Variants in CCDC169 observed in about 807,000 individuals in gnomAD.
The protein encoded by CCDC169 is coiled-coil domain-containing protein 169.
In CCDC169, 30 loss-of-function variants were observed where a neutral mutation model predicts 36.0. The observed-to-expected ratio is 0.83, with a 90% confidence interval of 0.62 to 1.13. CCDC169 has a LOEUF of 1.13. Among genes scored for constraint, CCDC169 ranks in the 50% most tolerant of loss-of-function variants. CCDC169 has a pLI of 0.00. For synonymous variants in CCDC169, 85 were observed against 81.5 expected (o/e 1.04, Z -0.23); for missense variants, 245 against 245.9 (o/e 1.00, Z 0.03).
chr13:36,267,535 A>G (rs1025810642), intron 4 of CCDC169, among the ~76,000 whole-genome samples: 11 of 152,184 alleles, frequency 7.2e-5, no homozygotes, highest in African/African-American at 2.7e-4. Context: ...CAGGGACTAT[A>G]AAACAATAAC....
At chr13:36,285,654 G>C (rs370653548) in intron 2 of CCDC169, among the ~76,000 whole-genome samples, 15 of 100,596 alleles carry the variant, frequency 1.5e-4, no homozygotes, top group East Asian at 1.3e-3. Flanking sequence ...TACATAGATA[G>C]ATAGACCGAC....
intron 4 of CCDC169, among the ~76,000 whole-genome samples, chr13:36,273,903 CTT>C (rs1166879428): frequency 6.6e-6 from 1 of 152,170 alleles, no homozygotes; most frequent in Non-Finnish European, 1.5e-5. Flanking sequence ...TAACACATGA[CTT>C]TGTCTCCCAG....
At chr13:36,288,333 T>C (rs755971579) in intron 2 of CCDC169, among the ~76,000 whole-genome samples, 2 of 152,166 alleles carry the variant, frequency 1.3e-5, no homozygotes, top group Admixed American at 1.3e-4. Context: ...CTTTAAATAA[T>C]GATTAGTTTT....
Position 36,293,003 on chromosome 13 carries a change from AG to A in CCDC169, c.163+2774del, listed in dbSNP as rs926016128. ...GATGGGTAGCTCTGTTGGTAGAAAC[AG>A]GTAGAAGTCCTCTTCTGATTGCTTC... On this transcript the variant is annotated intron_variant, in intron 2 of 7. Transcript: ENST00000239859. 3.9e-5 allele frequency among the ~76,000 whole-genome samples: 6 copies of A among 152,324 alleles called. No homozygotes were observed. The East Asian group carries it at 1.2e-3, about 29-fold the overall frequency.
At chr13:36,257,142 G>A (rs536529107) in intron 4 of CCDC169, among the ~76,000 whole-genome samples, 2 of 152,270 alleles carry the variant, frequency 1.3e-5, no homozygotes, top group East Asian at 3.9e-4. Context: ...ATAGAAAACT[G>A]TGTTCTTGAT....
At chr13:36,262,728 A>G (rs1024873222) in intron 4 of CCDC169, among the ~76,000 whole-genome samples, 3 of 152,146 alleles carry the variant, frequency 2.0e-5, no homozygotes, top group African/African-American at 7.2e-5. Context: ...CTCTGTGCAT[A>G]AAAGGGCCAT....
chr13:36,296,672 C>G (rs1444089041), intron 1 of CCDC169, among the ~76,000 whole-genome samples: 1 of 152,086 alleles, frequency 6.6e-6, no homozygotes, highest in Admixed American at 6.5e-5. Flanking sequence ...GTATTAAATA[C>G]GGAAGAATTC....
intron 2 of CCDC169, among the ~76,000 whole-genome samples, chr13:36,286,205 T>TAA (rs1347282436): frequency 1.3e-5 from 2 of 152,180 alleles, no homozygotes; most frequent in African/African-American, 2.4e-5. Context: ...AAGACTCTTT[T>TAA]GTCTTAGGGA....
At chr13:36,227,167 C>T, downstream of CCDC169, 1 of 1,335,808 alleles carries the variant, frequency 7.5e-7, no homozygotes, top group South Asian at 1.5e-5. Context: ...GATCACAATC[C>T]TGGGGGTGGT....
At chr13:36,270,271 T>C (rs1054070017) in intron 4 of CCDC169, among the ~76,000 whole-genome samples, 4 of 152,076 alleles carry the variant, frequency 2.6e-5, no homozygotes, top group Non-Finnish European at 4.4e-5. Context: ...AAATCACCGA[T>C]GAAACACACA....
chr13:36,283,417 T>C, intron 4 of CCDC169, 52 bp downstream of exon 4: 5 of 1,477,010 alleles, frequency 3.4e-6, no homozygotes, highest in Non-Finnish European at 3.7e-6. Flanking sequence ...CTGGAAAAAA[T>C]AGACATAATT....
At chr13:36,226,294 G>GACTGT (rs1219217711), downstream of CCDC169, 2 of 152,148 alleles carry the variant, frequency 1.3e-5, no homozygotes, top group Non-Finnish European at 2.9e-5. Context: ...TTTTTCCACG[G>GACTGT]ACTGTATTTT....
intron 4 of CCDC169, among the ~76,000 whole-genome samples, chr13:36,264,173 C>CA (rs780697411): frequency 7.9e-5 from 12 of 151,538 alleles, no homozygotes; most frequent in Admixed American, 2.6e-4. Flanking sequence ...AATTCATACC[C>CA]AAAAAAAGTA....
downstream of CCDC169, among the ~76,000 whole-genome samples, chr13:36,229,749 G>C (rs1870218062): frequency 6.6e-6 from 1 of 151,876 alleles, no homozygotes; most frequent in African/African-American, 2.4e-5. Context: ...TGCCATGTTG[G>C]CCAGGCTGGT....
chr13:36,231,153 A>G lies in CCDC169; in HGVS notation c.*40T>C, dbSNP rs1343510462. 3 of 442,048 alleles carry G rather than the reference A, an allele frequency of 6.8e-6. No homozygotes were observed. The highest frequency in any genetic ancestry group is 1.0e-5 in the Non-Finnish European group (3 of 299,754). The allele number at this position is 442,048 out of a possible 1,614,324, so 27.4% of individuals were successfully genotyped here. ...TTTATAACTTGAATATTATAAATGG[A>G]AAAAAAAAGGAAGAAATAGAAATCC... On this transcript the variant is annotated 3_prime_UTR_variant, in exon 8 of 8. Coordinates refer to ENST00000239859, the MANE Select transcript of CCDC169 (RefSeq NM_001144981.3).
intron 2 of CCDC169, among the ~76,000 whole-genome samples, chr13:36,294,791 C>T (rs1427317973): frequency 1.3e-5 from 2 of 152,024 alleles, no homozygotes; most frequent in African/African-American, 2.4e-5. Context: ...CTGGGGGCTC[C>T]ATGCACCAGT....
intron 4 of CCDC169, among the ~76,000 whole-genome samples, chr13:36,255,310 G>A (rs1873727571): frequency 1.3e-5 from 2 of 152,138 alleles, no homozygotes; most frequent in South Asian, 4.1e-4. Context: ...TTCAGATAGA[G>A]TGGGGAGGGT....
At chr13:36,223,440 T>C (rs1182544091), downstream of CCDC169, 1 of 152,198 alleles carries the variant, frequency 6.6e-6, no homozygotes, top group African/African-American at 2.4e-5. Flanking sequence ...GGCAAATTGC[T>C]TTAATAAAGT....
chr13:36,264,770 G>A lies in CCDC169; in HGVS notation c.316-10627C>T, dbSNP rs9565991. The stretch of plus-strand genomic sequence containing the variant: ...AATTCATTCATTTATTCAAAAACTA[G>A]CTATGAAGCACCTCTTATGTGTCAG... On this transcript the variant is annotated intron_variant, in intron 4 of 7. Coordinates refer to ENST00000239859, the MANE Select transcript of CCDC169 (RefSeq NM_001144981.3). Among the ~76,000 whole-genome samples the A allele has an allele frequency of 1.5e-4, 23 of 152,044 alleles. No homozygotes were observed. In the South Asian group the frequency reaches 4.8e-3, roughly 32 times the overall value.
Sources: allele counts gnomAD v4.1 joint callset (sites outside exome capture counted in the v4.1 genomes callset), GRCh38; gene constraint gnomAD v4.1.1; transcripts MANE v1.5; gene names NCBI Gene and HGNC (gene_info 2026-07-23, HGNC 2026-07-21).